The following GLI3 variants were observed in gnomAD, a reference collection of about 807,000 sequenced individuals.
GLI3 encodes transcription activator GLI3.
In GLI3, 20 loss-of-function variants were observed where a neutral mutation model predicts 100.8. That is an observed-to-expected ratio of 0.20 (90% CI 0.14 to 0.29). GLI3 has a LOEUF of 0.29. Ranked by LOEUF, GLI3 falls within the 10% of genes least tolerant of loss-of-function variation. The pLI, the probability that GLI3 is intolerant of heterozygous loss-of-function variation, is 1.00. For synonymous variants in GLI3, 938 were observed against 860.5 expected (o/e 1.09, Z -1.58); for missense variants, 2,040 against 2,128.5 (o/e 0.96, Z 0.82).
chr7:42,126,259 C>A (rs1236434232), intron 3 of GLI3, among the ~76,000 whole-genome samples: 1 of 152,216 alleles, frequency 6.6e-6, no homozygotes, highest in East Asian at 1.9e-4. Flanking sequence ...TGATCAAATT[C>A]ATTCAACACA....
intron 10 of GLI3, among the ~76,000 whole-genome samples, chr7:41,987,115 C>G (rs1484032047): frequency 6.6e-6 from 1 of 151,726 alleles, no homozygotes; most frequent in Non-Finnish European, 1.5e-5. Context: ...CACACACACA[C>G]ACACACACAC....
intron 1 of GLI3, among the ~76,000 whole-genome samples, chr7:42,261,223 A>ACACACACACACACACAAC (rs1491140813): frequency 1.1e-4 from 8 of 70,770 alleles, no homozygotes; most frequent in East Asian, 1.1e-3. Context: ...ACACACACAC[A>ACACACACACACACACAAC]ACACACACAC....
intron 3 of GLI3, among the ~76,000 whole-genome samples, chr7:42,101,183 A>G (rs941954769): frequency 1.3e-5 from 2 of 152,214 alleles, no homozygotes; most frequent in Non-Finnish European, 2.9e-5. Flanking sequence ...AGAGGAAAGC[A>G]TGTGCAGTAT....
At chr7:42,072,487 C>A (rs1317164701) in intron 4 of GLI3, among the ~76,000 whole-genome samples, 1 of 152,236 alleles carries the variant, frequency 6.6e-6, no homozygotes, top group African/African-American at 2.4e-5. Flanking sequence ...AAACAAAAAA[C>A]ACACACTCAA....
At chr7:42,014,811 T>C (rs1459899598) in intron 10 of GLI3, among the ~76,000 whole-genome samples, 1 of 152,164 alleles carries the variant, frequency 6.6e-6, no homozygotes, top group Non-Finnish European at 1.5e-5. Context: ...CTGCAATTTC[T>C]GTAGTGGCCA....
At chr7:42,181,496 A>G (rs1434027339) in intron 2 of GLI3, among the ~76,000 whole-genome samples, 3 of 151,952 alleles carry the variant, frequency 2.0e-5, no homozygotes, top group African/African-American at 4.8e-5. Context: ...TCCCGGCTAC[A>G]TGGGAGGCTT....
intron 1 of GLI3, among the ~76,000 whole-genome samples, chr7:42,262,547 A>G (rs946439242): frequency 3.3e-5 from 5 of 152,288 alleles, no homozygotes; most frequent in Non-Finnish European, 7.4e-5. Context: ...GGCCTGAGTC[A>G]CTGCATTTGA....
At chr7:42,076,608 T>C (rs1050891108) in intron 4 of GLI3, 144 bp downstream of exon 4, 3 of 685,424 alleles carry the variant, frequency 4.4e-6, no homozygotes, top group South Asian at 3.2e-5. Context: ...CACGAACAGA[T>C]AGGCTTGCTA....
At chr7:42,098,252 C>A (rs1364615945) in intron 3 of GLI3, among the ~76,000 whole-genome samples, 1 of 152,038 alleles carries the variant, frequency 6.6e-6, no homozygotes, top group Non-Finnish European at 1.5e-5. Flanking sequence ...ATTATTAGAC[C>A]ATAGAAAAGT....
intron 2 of GLI3, among the ~76,000 whole-genome samples, chr7:42,193,886 A>G (rs879276006): frequency 6.6e-6 from 1 of 152,250 alleles, no homozygotes; most frequent in African/African-American, 2.4e-5. Flanking sequence ...GCATGTTCCC[A>G]TATTTGCCTC....
intron 12 of GLI3, among the ~76,000 whole-genome samples, chr7:41,975,214 T>A (rs1298809721): frequency 6.6e-6 from 1 of 152,196 alleles, no homozygotes; most frequent in East Asian, 1.9e-4. Flanking sequence ...GTGCCAGCAA[T>A]TACTCCCTTC....
At chr7:42,191,760 A>AC (rs1436065484) in intron 2 of GLI3, among the ~76,000 whole-genome samples, 4 of 152,080 alleles carry the variant, frequency 2.6e-5, no homozygotes, top group Non-Finnish European at 5.9e-5. Flanking sequence ...TAACCCTATG[A>AC]AGTAGATACC....
At chr7:42,245,209 T>G (rs1285038916) in intron 1 of GLI3, among the ~76,000 whole-genome samples, 1 of 151,980 alleles carries the variant, frequency 6.6e-6, no homozygotes, top group Admixed American at 6.6e-5. Flanking sequence ...CAAGTCAGTG[T>G]GGAAGCTCCC....
intron 1 of GLI3, among the ~76,000 whole-genome samples, chr7:42,229,693 A>G (rs1788656573): frequency 6.6e-6 from 1 of 152,162 alleles, no homozygotes; most frequent in Non-Finnish European, 1.5e-5. Context: ...TCCAGGTAAA[A>G]CTACTATTAA....
intron 2 of GLI3, chr7:42,222,655 C>G (rs1046409535): frequency 6.2e-6 from 1 of 161,896 alleles, no homozygotes; most frequent in African/African-American, 2.4e-5. Context: ...CTAACATTAC[C>G]TTGAGGTTCA....
At chr7:41,973,472 C>G (rs920886918) in intron 12 of GLI3, among the ~76,000 whole-genome samples, 3 of 152,146 alleles carry the variant, frequency 2.0e-5, no homozygotes, top group Non-Finnish European at 2.9e-5. Context: ...AAAAATTATG[C>G]GGATGCTTAT....
At chr7:42,142,279 A>T (rs941979970) in intron 3 of GLI3, among the ~76,000 whole-genome samples, 4 of 152,176 alleles carry the variant, frequency 2.6e-5, no homozygotes, top group Non-Finnish European at 5.9e-5. Flanking sequence ...CAACAAGGGC[A>T]GGGCCAGCAC....
At chr7:42,253,045 A>AGAGT (rs58652362) in intron 1 of GLI3, among the ~76,000 whole-genome samples, 127,560 of 151,828 alleles carry the variant, frequency 0.84, 53,695 homozygotes, top group Middle Eastern at 0.93. Context: ...AGTCTTAAAT[A>AGAGT]ATTTCAAGAT....
intron 10 of GLI3, among the ~76,000 whole-genome samples, chr7:42,019,561 C>A (rs1788876830): frequency 6.6e-6 from 1 of 151,584 alleles, no homozygotes; most frequent in Non-Finnish European, 1.5e-5. Context: ...AAACAGAAAG[C>A]AAAACCAAAC....
Sources: allele counts gnomAD v4.1 joint callset (sites outside exome capture counted in the v4.1 genomes callset), GRCh38; gene constraint gnomAD v4.1.1; transcripts MANE v1.5; gene names NCBI Gene and HGNC (gene_info 2026-07-23, HGNC 2026-07-21).